The following THEMIS variants were observed in gnomAD, a reference collection of about 807,000 sequenced individuals.
THEMIS encodes protein THEMIS.
A neutral mutation model predicts 52.6 loss-of-function variants in THEMIS; 37 were observed. The observed-to-expected ratio is 0.70, with a 90% CI of 0.54 to 0.93. The LOEUF is 0.93. Among genes scored for constraint, THEMIS ranks in the 40% least tolerant of loss-of-function variants. The pLI is 0.00. For missense variants in THEMIS, 808 were observed against 763.1 expected, an observed-to-expected ratio of 1.06 and a Z score of -0.69; for synonymous variants, 292 against 272.7, an observed-to-expected ratio of 1.07 and a Z score of -0.70.
chr6:127,802,780 G>C (rs903939079), intron 4 of THEMIS, among the ~76,000 whole-genome samples: 4 of 152,172 alleles, frequency 2.6e-5, no homozygotes, highest in African/African-American at 9.7e-5. Context: ...AATTCATGCA[G>C]TGAATCTTTC....
At chr6:127,774,565 C>T (rs1162209405) in intron 4 of THEMIS, among the ~76,000 whole-genome samples, 1 of 152,204 alleles carries the variant, frequency 6.6e-6, no homozygotes, top group African/African-American at 2.4e-5. Context: ...ACTTGTACTA[C>T]ATCTAATTGC....
In THEMIS at chr6:127,861,522, G is replaced by A. The variant is rs535012566; in HGVS notation, c.92-6334C>T. On this transcript the variant is annotated intron_variant, in intron 1 of 5. Transcript: ENST00000368248. ...GTAAAGACTGGGCACAGTGGCTCAC[G>A]CCTGTAAGCCCAGCACTTTGGGAGG... 3.9e-5 allele frequency among the ~76,000 whole-genome samples: 6 copies of A among 152,004 alleles called. No homozygotes were observed. In the South Asian group the frequency reaches 6.2e-4, roughly 16 times the overall value.
intron 2 of THEMIS, among the ~76,000 whole-genome samples, chr6:127,854,112 AAATAC>A (rs369088187): frequency 5.3e-5 from 8 of 151,838 alleles, no homozygotes; most frequent in African/African-American, 1.9e-4. Context: ...TTGGTATCAG[AAATAC>A]AAAGTCACAT....
At chr6:127,845,902 G>A (rs1779196609) in intron 2 of THEMIS, among the ~76,000 whole-genome samples, 1 of 151,780 alleles carries the variant, frequency 6.6e-6, no homozygotes, top group Non-Finnish European at 1.5e-5. Flanking sequence ...ACATGCCCAG[G>A]ACTGTTTGCA....
At chr6:127,804,822 T>A (rs537932900) in intron 4 of THEMIS, among the ~76,000 whole-genome samples, 2 of 152,292 alleles carry the variant, frequency 1.3e-5, no homozygotes, top group African/African-American at 2.4e-5. Context: ...AGACATTAAT[T>A]ACAACTTTTA....
chr6:127,791,948 T>C (rs1476796792), intron 4 of THEMIS, among the ~76,000 whole-genome samples: 3 of 152,192 alleles, frequency 2.0e-5, no homozygotes, highest in Non-Finnish European at 4.4e-5. Context: ...CTTTTGAGCC[T>C]GAAGGGGCAA....
intron 4 of THEMIS, among the ~76,000 whole-genome samples, chr6:127,754,779 G>A (rs992112439): frequency 6.6e-6 from 1 of 152,162 alleles, no homozygotes; most frequent in Non-Finnish European, 1.5e-5. Flanking sequence ...AGGCTACAAA[G>A]AGATTTGGGG....
At chr6:127,875,101 TC>T (rs1454043742) in intron 1 of THEMIS, among the ~76,000 whole-genome samples, 1 of 152,220 alleles carries the variant, frequency 6.6e-6, no homozygotes, top group Non-Finnish European at 1.5e-5. Flanking sequence ...ACTTGAAACA[TC>T]CCCAAAACCT....
intron 1 of THEMIS, among the ~76,000 whole-genome samples, chr6:127,896,594 A>G (rs1219450509): frequency 6.6e-6 from 1 of 151,520 alleles, no homozygotes; most frequent in Admixed American, 6.6e-5. Context: ...TTCCAGGAGG[A>G]CTTTTGAGGA....
intron 4 of THEMIS, among the ~76,000 whole-genome samples, chr6:127,774,309 C>T (rs1776484699): frequency 6.6e-6 from 1 of 152,222 alleles, no homozygotes; most frequent in Non-Finnish European, 1.5e-5. Context: ...GGGTTCACAC[C>T]ATTCTCCTGC....
At chr6:127,857,657 C>T (rs1300417625) in intron 1 of THEMIS, among the ~76,000 whole-genome samples, 1 of 152,072 alleles carries the variant, frequency 6.6e-6, no homozygotes, top group African/African-American at 2.4e-5. Context: ...GTTTGCTATA[C>T]AAACCTTGGT....
chr6:127,724,374 T>C (rs963815804), intron 4 of THEMIS, among the ~76,000 whole-genome samples: 1 of 152,108 alleles, frequency 6.6e-6, no homozygotes, highest in African/African-American at 2.4e-5. Context: ...GTAAACACAG[T>C]GGCCCCTATT....
chr6:127,732,082 AC>A (rs1774829905), intron 4 of THEMIS, among the ~76,000 whole-genome samples: 1 of 150,728 alleles, frequency 6.6e-6, no homozygotes, highest in African/African-American at 2.4e-5. Context: ...GATTGAGTAT[AC>A]CATAATTTTA....
intron 5 of THEMIS, among the ~76,000 whole-genome samples, chr6:127,714,464 A>G (rs1216404972): frequency 6.6e-6 from 1 of 151,900 alleles, no homozygotes; most frequent in Non-Finnish European, 1.5e-5. Context: ...CACCCCAGCC[A>G]TAAAAAATCA....
chr6:127,856,818 C>T (rs2114308949), intron 1 of THEMIS, among the ~76,000 whole-genome samples: 1 of 152,026 alleles, frequency 6.6e-6, no homozygotes, highest in East Asian at 1.9e-4. Flanking sequence ...ATTAAAAATA[C>T]TAATAAATCC....
chr6:127,890,474 A>T (rs954760063), intron 1 of THEMIS, among the ~76,000 whole-genome samples: 1 of 152,088 alleles, frequency 6.6e-6, no homozygotes, highest in Non-Finnish European at 1.5e-5. Context: ...TGGTTAATGG[A>T]TACAGAAATA....
chr6:127,872,819 A>G (rs529974778), intron 1 of THEMIS, among the ~76,000 whole-genome samples: 36 of 152,282 alleles, frequency 2.4e-4, no homozygotes, highest in Non-Finnish European at 3.8e-4. Flanking sequence ...AATAAAAATC[A>G]TACACCTTGG....
At chr6:127,847,546 A>G (rs1171568290) in intron 2 of THEMIS, among the ~76,000 whole-genome samples, 1 of 151,884 alleles carries the variant, frequency 6.6e-6, no homozygotes, top group Non-Finnish European at 1.5e-5. Flanking sequence ...GCTGCAAAAG[A>G]AACCTAAACA....
intron 1 of THEMIS, among the ~76,000 whole-genome samples, chr6:127,916,078 G>C (rs1031576475): frequency 6.6e-5 from 10 of 151,804 alleles, no homozygotes; most frequent in African/African-American, 2.4e-4. Context: ...GGCAATGCAA[G>C]TCTGCCCAAA....
Sources: allele counts gnomAD v4.1 joint callset (sites outside exome capture counted in the v4.1 genomes callset), GRCh38; gene constraint gnomAD v4.1.1; transcripts MANE v1.5; gene names NCBI Gene and HGNC (gene_info 2026-07-23, HGNC 2026-07-21).